The following RBFOX3 variants were observed in gnomAD, a reference collection of about 807,000 sequenced individuals.
RBFOX3 encodes RNA binding protein fox-1 homolog 3.
A neutral mutation model predicts 48.7 loss-of-function variants in RBFOX3; 17 were observed. That is an observed-to-expected ratio of 0.35 (90% CI 0.24 to 0.52). The LOEUF is 0.52. RBFOX3 is among the 20% of genes least tolerant of loss of function. RBFOX3 has a pLI of 0.94. For missense variants in RBFOX3, 382 were observed against 497.5 expected, an observed-to-expected ratio of 0.77 and a Z score of 2.21; for synonymous variants, 212 against 209.5, an observed-to-expected ratio of 1.01 and a Z score of -0.10.
chr17:79,156,717 G>A (rs1271636731), intron 4 of RBFOX3, among the ~76,000 whole-genome samples: 1 of 152,220 alleles, frequency 6.6e-6, no homozygotes, highest in Non-Finnish European at 1.5e-5. Context: ...CAGAGGCTGT[G>A]TGGCCCGGAG....
intron 2 of RBFOX3, among the ~76,000 whole-genome samples, chr17:79,461,901 G>A (rs2149269029): frequency 6.6e-6 from 1 of 152,334 alleles, no homozygotes; most frequent in East Asian, 1.9e-4. Flanking sequence ...CCCAGAAGGT[G>A]CAAGGGGCAA....
intron 4 of RBFOX3, among the ~76,000 whole-genome samples, chr17:79,188,037 T>A (rs2053768496): frequency 6.6e-6 from 1 of 152,008 alleles, no homozygotes. Context: ...CTGTTTAATC[T>A]CCCCAGAAGG....
intron 4 of RBFOX3, among the ~76,000 whole-genome samples, chr17:79,216,321 G>A (rs1318900211): frequency 6.6e-6 from 1 of 152,228 alleles, no homozygotes; most frequent in Admixed American, 6.5e-5. Context: ...GGGTCCATGT[G>A]AGGAAGTGTA....
intron 2 of RBFOX3, among the ~76,000 whole-genome samples, chr17:79,466,445 C>T (rs1430471494): frequency 6.6e-6 from 1 of 152,170 alleles, no homozygotes; most frequent in African/African-American, 2.4e-5. Flanking sequence ...GAACCTCCCT[C>T]CTTCCTTGCC....
intron 3 of RBFOX3, among the ~76,000 whole-genome samples, chr17:79,288,678 C>T (rs911092163): frequency 3.9e-5 from 6 of 152,168 alleles, no homozygotes; most frequent in Non-Finnish European, 8.8e-5. Flanking sequence ...GCCTCTTTCC[C>T]CTGGGCCTAG....
Position 79,205,679 on chromosome 17 carries a change from G to A in RBFOX3, c.-34+30087C>T, listed in dbSNP as rs1019893149. 4.6e-5 allele frequency among the ~76,000 whole-genome samples: 7 copies of A among 152,098 alleles called. No individual in the cohort carries two copies. Among genetic ancestry groups the A allele is most frequent in the Admixed American group, 2.0e-4 (3 of 15,272 alleles). On this transcript the variant is annotated intron_variant, in intron 4 of 14. Coordinates refer to ENST00000693108, the MANE Select transcript of RBFOX3 (RefSeq NM_001350451.2). The surrounding 1 kb of genome is among the most constrained non-coding windows in gnomAD (Gnocchi z 4.5). ...CAGATGAATCAGAGTGGGTGATGGT[G>A]GATTACTGGAAACTTCACCAAGCAG...
At chr17:79,468,329 G>C (rs1028058) in intron 2 of RBFOX3, among the ~76,000 whole-genome samples, 54,153 of 152,124 alleles carry the variant, frequency 0.36, 9,799 homozygotes, top group Admixed American at 0.42. Context: ...GATGGATATA[G>C]AGACATACAG....
chr17:79,571,530 CCAA>C (rs1487630215), intron 1 of RBFOX3, among the ~76,000 whole-genome samples: 1 of 136,400 alleles, frequency 7.3e-6, no homozygotes, highest in Admixed American at 7.4e-5. Flanking sequence ...CCCCGCCCCC[CCAA>C]CCACTCTCTT....
rs2062556931 is a variant in RBFOX3, at chr17:79,242,645, C to A, written c.-73-6840G>T. Among the ~76,000 whole-genome samples the A allele has an allele frequency of 6.6e-6, 1 of 151,964 alleles. No homozygotes were observed. Among genetic ancestry groups the A allele is most frequent in the South Asian group, 2.1e-4 (1 of 4,826 alleles). ...ATGGCTCTGAGCCATAAACTGTCACCATTAGGGAGACCGGGGAGTTCTGGC... is the reference window on the plus strand; with the variant it reads ...ATGGCTCTGAGCCATAAACTGTCACAATTAGGGAGACCGGGGAGTTCTGGC... On this transcript the variant is annotated intron_variant, in intron 3 of 14. Coordinates refer to ENST00000693108, the MANE Select transcript of RBFOX3 (RefSeq NM_001350451.2). The surrounding 1 kb of genome is among the most constrained non-coding windows in gnomAD (Gnocchi z 5.8).
chr17:79,515,440 C>T (rs2085114672), intron 1 of RBFOX3, among the ~76,000 whole-genome samples: 1 of 152,200 alleles, frequency 6.6e-6, no homozygotes, highest in Non-Finnish European at 1.5e-5. Context: ...CTGTGTTACA[C>T]TGATCCCCTT....
At chr17:79,115,050 C>T (rs1339021606) in intron 5 of RBFOX3, among the ~76,000 whole-genome samples, 6 of 152,226 alleles carry the variant, frequency 3.9e-5, no homozygotes, top group East Asian at 1.9e-4. Flanking sequence ...GCCTGCAACC[C>T]GAGGCAGCTC....
At chr17:79,152,179 G>C (rs2044678432) in intron 4 of RBFOX3, among the ~76,000 whole-genome samples, 1 of 152,054 alleles carries the variant, frequency 6.6e-6, no homozygotes, top group South Asian at 2.1e-4. Flanking sequence ...GCCAGGGTTG[G>C]GGAGCCCCAG....
chr17:79,206,549 G>A (rs1235510053), intron 4 of RBFOX3, among the ~76,000 whole-genome samples: 11 of 77,430 alleles, frequency 1.4e-4, no homozygotes, highest in African/African-American at 4.5e-4. Context: ...GGGCGGGAGC[G>A]GATGCCTCCT....
intron 9 of RBFOX3, chr17:79,098,023 C>T (rs1264006762): frequency 8.9e-6 from 4 of 449,716 alleles, no homozygotes; most frequent in African/African-American, 2.0e-5. Context: ...CACCCCTGGG[C>T]GTCATCCCCC....
chr17:79,370,093 G>T (rs1410840089), intron 2 of RBFOX3, among the ~76,000 whole-genome samples: 6 of 152,222 alleles, frequency 3.9e-5, no homozygotes, highest in Admixed American at 3.9e-4. Flanking sequence ...GATGCTCCCT[G>T]CTCTGTGGTG....
chr17:79,560,677 A>G (rs951257138), intron 1 of RBFOX3, among the ~76,000 whole-genome samples: 1 of 152,016 alleles, frequency 6.6e-6, no homozygotes, highest in Non-Finnish European at 1.5e-5. Context: ...TCACCTCACC[A>G]CAGCCAGAAC....
At chr17:79,528,825 G>A (rs961803692) in intron 1 of RBFOX3, among the ~76,000 whole-genome samples, 23 of 152,076 alleles carry the variant, frequency 1.5e-4, no homozygotes, top group Non-Finnish European at 2.1e-4. Flanking sequence ...ACGGCCCTGC[G>A]ACACCCTCCC....
At chr17:79,516,370 C>T (rs960191461) in intron 1 of RBFOX3, among the ~76,000 whole-genome samples, 3 of 152,240 alleles carry the variant, frequency 2.0e-5, no homozygotes, top group Admixed American at 2.0e-4. Context: ...ACCAGCATGC[C>T]CGGGCCTGCC....
chr17:79,195,355 T>C lies in RBFOX3; in HGVS notation c.-34+40411A>G, dbSNP rs2055373334. On this transcript the variant is annotated intron_variant, in intron 4 of 14. Coordinates refer to ENST00000693108, the MANE Select transcript of RBFOX3 (RefSeq NM_001350451.2). The surrounding 1 kb of genome is among the most constrained non-coding windows in gnomAD (Gnocchi z 5.3). ...AGGCAGAGGTTGCAGTGAGTTGACA[T>C]TGCACCACTGCACTCCAGCTTGGGT... Among the ~76,000 whole-genome samples the C allele has an allele frequency of 6.6e-6, 1 of 151,856 alleles. No homozygotes were observed. The highest frequency in any genetic ancestry group is 2.4e-5 in the African/African-American group (1 of 41,318).
Sources: gnomAD v4.1 joint callset for allele counts (sites outside exome capture counted in the v4.1 genomes callset) on GRCh38, gnomAD v4.1.1 for gene constraint, Gnocchi (gnomAD v3.1) non-coding constraint, MANE v1.5 for transcripts, NCBI Gene and HGNC (gene_info 2026-07-23, HGNC 2026-07-21) for gene names.